RMDN2: variants seen among roughly 807,000 people sequenced by gnomAD.
RMDN2 encodes the protein regulator of microtubule dynamics 2.
RMDN2 carries 61 observed loss-of-function variants against 52.8 expected under a neutral mutation model. That is an observed-to-expected ratio of 1.16 (90% CI 0.94 to 1.43). The LOEUF (loss-of-function observed/expected upper bound fraction) is 1.43, where lower values mean the gene tolerates loss of function less well. RMDN2 is among the 40% of genes most tolerant of loss of function. The pLI is 0.00. For missense variants in RMDN2, 592 were observed against 475.3 expected, an observed-to-expected ratio of 1.25 and a Z score of -2.28; for synonymous variants, 180 against 153.1, an observed-to-expected ratio of 1.18 and a Z score of -1.30.
intron 10 of RMDN2, among the ~76,000 whole-genome samples, chr2:38,049,119 A>G (rs934637122): frequency 5.3e-5 from 8 of 152,226 alleles, no homozygotes; most frequent in Non-Finnish European, 8.8e-5. Flanking sequence ...GAAGCTGGCT[A>G]TCAAATGAGT....
At chr2:38,025,468 T>G (rs1679711174) in intron 10 of RMDN2, among the ~76,000 whole-genome samples, 2 of 152,106 alleles carry the variant, frequency 1.3e-5, no homozygotes, top group African/African-American at 4.8e-5. Context: ...AAGGTTTTGT[T>G]TTGTTTTTGC....
intron 10 of RMDN2, among the ~76,000 whole-genome samples, chr2:38,008,839 G>C (rs1215532643): frequency 2.0e-5 from 3 of 152,176 alleles, no homozygotes; most frequent in African/African-American, 4.8e-5. Flanking sequence ...GCAGTGGCTG[G>C]TACCGGTTGT....
chr2:37,924,103 G>A (rs535150940), upstream of RMDN2, among the ~76,000 whole-genome samples: 5 of 152,042 alleles, frequency 3.3e-5, no homozygotes, highest in Non-Finnish European at 5.9e-5. Flanking sequence ...TCTTCAATGC[G>A]GCTTGCCTGA....
At chr2:38,003,672 TTGAAA>T (rs1437553208) in intron 8 of RMDN2, among the ~76,000 whole-genome samples, 3 of 152,132 alleles carry the variant, frequency 2.0e-5, no homozygotes, top group Admixed American at 1.3e-4. Flanking sequence ...GTTTTTGTTC[TTGAAA>T]AGAAAAGGAT....
At position 38,049,745 on chromosome 2, in the gene RMDN2, T is replaced by C. The variant is rs1558588133; in HGVS notation, c.1714-17237T>C. ...ATGCCACCATGCCCAGCTAATTTTT[T>C]ATTTTGTAGAGATGGGGTCTTGGTA... On this transcript the variant is annotated intron_variant, in intron 10 of 10. Transcript: ENST00000234195. 2.0e-5 allele frequency among the ~76,000 whole-genome samples: 3 copies of C among 152,098 alleles called. No homozygotes were observed. In the South Asian group the frequency reaches 6.2e-4, roughly 32 times the overall value.
intron 2 of RMDN2, among the ~76,000 whole-genome samples, chr2:37,941,139 ACAGT>A (rs1408724566): frequency 1.3e-5 from 2 of 152,096 alleles, no homozygotes; most frequent in African/African-American, 2.4e-5. Context: ...TTTCCTTCTA[ACAGT>A]CAGGCCCCTC....
At chr2:38,003,773 G>C (rs1676680183) in intron 8 of RMDN2, among the ~76,000 whole-genome samples, 1 of 152,104 alleles carries the variant, frequency 6.6e-6, no homozygotes, top group Non-Finnish European at 1.5e-5. Context: ...TTATGACCAT[G>C]GTAATCAATT....
At chr2:38,048,288 T>G (rs2125296962) in intron 10 of RMDN2, among the ~76,000 whole-genome samples, 1 of 152,328 alleles carries the variant, frequency 6.6e-6, no homozygotes, top group Admixed American at 6.5e-5. Flanking sequence ...ATGCAGCATG[T>G]GCTAAAACAT....
chr2:38,063,531 CA>C (rs1682141344), intron 10 of RMDN2, among the ~76,000 whole-genome samples: 1 of 152,060 alleles, frequency 6.6e-6, no homozygotes, highest in African/African-American at 2.4e-5. Flanking sequence ...GTAATGGCAA[CA>C]AAAGCCAAAA....
At chr2:37,988,833 AT>A (rs1380048799) in intron 5 of RMDN2, among the ~76,000 whole-genome samples, 1 of 152,230 alleles carries the variant, frequency 6.6e-6, no homozygotes, top group Non-Finnish European at 1.5e-5. Context: ...AAATAAGCAA[AT>A]TGCTGAACAA....
At chr2:37,957,539 T>C (rs1255759738) in intron 2 of RMDN2, among the ~76,000 whole-genome samples, 1 of 152,238 alleles carries the variant, frequency 6.6e-6, no homozygotes, top group Non-Finnish European at 1.5e-5. Flanking sequence ...AGATTCTTGA[T>C]ATTAGCCCTT....
At chr2:37,996,327 G>A (rs987155630) in intron 7 of RMDN2, among the ~76,000 whole-genome samples, 3 of 152,192 alleles carry the variant, frequency 2.0e-5, no homozygotes, top group East Asian at 1.9e-4. Flanking sequence ...GCTTATGCCT[G>A]TAATCCTAGC....
At chr2:37,970,514 G>A (rs1671671642) in intron 2 of RMDN2, among the ~76,000 whole-genome samples, 1 of 152,104 alleles carries the variant, frequency 6.6e-6, no homozygotes, top group South Asian at 2.1e-4. Flanking sequence ...TAATATTCAT[G>A]TTTGGTTTTT....
chr2:37,944,959 C>G (rs1007147152), intron 2 of RMDN2, among the ~76,000 whole-genome samples: 29 of 152,114 alleles, frequency 1.9e-4, no homozygotes, highest in African/African-American at 6.8e-4. Flanking sequence ...AAGGAAATAA[C>G]CTATGAAACA....
chr2:38,023,787 A>G (rs892747319), intron 10 of RMDN2, among the ~76,000 whole-genome samples: 3 of 152,212 alleles, frequency 2.0e-5, no homozygotes, highest in African/African-American at 7.2e-5. Flanking sequence ...AAATATTGAG[A>G]TACAATTGAC....
chr2:38,023,203 T>C (rs527549487), intron 10 of RMDN2, among the ~76,000 whole-genome samples: 1 of 152,154 alleles, frequency 6.6e-6, no homozygotes, highest in Non-Finnish European at 1.5e-5. Context: ...AGCAAAAGAT[T>C]TGGAGTTGGG....
chr2:37,963,280 C>T (rs909216674), intron 2 of RMDN2: 1 of 147,356 alleles, frequency 6.8e-6, no homozygotes, highest in Non-Finnish European at 1.5e-5. Context: ...TTACTATACC[C>T]TTGAATTTAT....
chr2:37,921,982 A>T (rs1215973413), upstream of RMDN2, among the ~76,000 whole-genome samples: 1 of 152,198 alleles, frequency 6.6e-6, no homozygotes, highest in Admixed American at 6.5e-5. Flanking sequence ...GATTCGGGGA[A>T]CTCAGAGCTT....
Position 37,950,477 on chromosome 2 carries a change from G to C in RMDN2, c.452+20748G>C, listed in dbSNP as rs567101046. 3 of 1,611,894 alleles carry C rather than the reference G, an allele frequency of 1.9e-6. No homozygotes were observed. In the South Asian group the frequency reaches 3.3e-5, roughly 18 times the overall value. ...CATGTTAACTCCACATGCAGCTTGAGCATTCAGTCTTCTGACCTGTTCCAC... is the reference window on the plus strand; with the variant it reads ...CATGTTAACTCCACATGCAGCTTGACCATTCAGTCTTCTGACCTGTTCCAC... On this transcript the variant is annotated intron_variant, in intron 2 of 10. Transcript: ENST00000354545.
Sources: allele counts gnomAD v4.1 joint callset (sites outside exome capture counted in the v4.1 genomes callset), GRCh38; gene constraint gnomAD v4.1.1; transcripts MANE v1.5; gene names NCBI Gene and HGNC (gene_info 2026-07-23, HGNC 2026-07-21).